STPG4: variants seen among roughly 807,000 people sequenced by gnomAD.
The protein encoded by STPG4 is protein STPG4.
Under a neutral mutation model 31.5 loss-of-function variants are expected in STPG4, and 41 were observed. The ratio of observed to expected loss-of-function variants is 1.30; its 90% CI spans 1.01 to 1.69. The LOEUF is 1.69. Among genes scored for constraint, STPG4 ranks in the 40% most tolerant of loss-of-function variants. The probability of loss-of-function intolerance (pLI) is 0.00; values close to 1 mark genes in which losing one functional copy is unlikely to be tolerated. For synonymous variants in STPG4, 141 were observed against 103.0 expected (o/e 1.37, Z -2.24); for missense variants, 375 against 293.4 (o/e 1.28, Z -2.03).
chr2:47,139,134 A>T (rs2103792049), intron 3 of STPG4, among the ~76,000 whole-genome samples: 1 of 152,308 alleles, frequency 6.6e-6, no homozygotes, highest in East Asian at 1.9e-4. Context: ...TGTTGAGTTC[A>T]ACTATGTACT....
intron 3 of STPG4, among the ~76,000 whole-genome samples, chr2:47,143,164 G>A (rs530869448): frequency 6.6e-6 from 1 of 152,226 alleles, no homozygotes; most frequent in South Asian, 2.1e-4. Context: ...TATGTCATTT[G>A]TATGGGTGTA....
chr2:47,115,366 C>G (rs758102973), intron 5 of STPG4, among the ~76,000 whole-genome samples: 5 of 152,094 alleles, frequency 3.3e-5, no homozygotes, highest in Non-Finnish European at 5.9e-5. Flanking sequence ...CTTTCTGGAT[C>G]TGCTCCTTTG....
intron 5 of STPG4, among the ~76,000 whole-genome samples, chr2:47,124,524 A>T (rs1374080977): frequency 1.3e-5 from 2 of 152,126 alleles, no homozygotes; most frequent in African/African-American, 4.8e-5. Flanking sequence ...GAACATGCAA[A>T]GTTTGCCTTT....
intron 5 of STPG4, among the ~76,000 whole-genome samples, chr2:47,093,087 G>C (rs750325015): frequency 6.6e-6 from 1 of 152,150 alleles, no homozygotes; most frequent in Non-Finnish European, 1.5e-5. Flanking sequence ...CACCGCACCC[G>C]GCCCTTCCAC....
intron 5 of STPG4, among the ~76,000 whole-genome samples, chr2:47,095,337 C>T (rs185385808): frequency 2.6e-4 from 39 of 152,222 alleles, no homozygotes; most frequent in African/African-American, 9.4e-4. Context: ...GAGACATGCT[C>T]ACAGGGAAAA....
intron 5 of STPG4, among the ~76,000 whole-genome samples, chr2:47,124,116 G>C (rs1246734512): frequency 1.3e-5 from 2 of 151,978 alleles, no homozygotes; most frequent in East Asian, 3.9e-4. Context: ...CTGAGTAGCT[G>C]GGATTACAGG....
intron 5 of STPG4, among the ~76,000 whole-genome samples, chr2:47,100,231 A>G (rs1336685950): frequency 6.6e-6 from 1 of 151,960 alleles, no homozygotes; most frequent in Non-Finnish European, 1.5e-5. Context: ...CTTTATGTCT[A>G]GCTCAGGGAT....
At position 47,089,099 on chromosome 2, in the gene STPG4, C is replaced by T. The variant is rs1444115154; in HGVS notation, c.624+1171G>A. Among the ~76,000 whole-genome samples, 3 of 152,236 alleles carry T rather than the reference C, an allele frequency of 2.0e-5. No homozygotes were observed. The East Asian group carries it at 5.8e-4, about 29-fold the overall frequency. On this transcript the variant is annotated intron_variant, in intron 6 of 6. Transcript: ENST00000445927. ...AGACTCCACCAATCAGTGCTCCAGT[C>T]ACCACGCCCGTATGGTGAATGCTTA...
intron 5 of STPG4, among the ~76,000 whole-genome samples, chr2:47,112,734 C>G (rs962721101): frequency 6.6e-6 from 1 of 152,144 alleles, no homozygotes; most frequent in African/African-American, 2.4e-5. Flanking sequence ...TCAAATGACA[C>G]TACCACCTTA....
chr2:47,106,364 G>A (rs1343290151), intron 5 of STPG4, among the ~76,000 whole-genome samples: 6 of 151,826 alleles, frequency 4.0e-5, no homozygotes, highest in Admixed American at 1.3e-4. Flanking sequence ...GCTCAAGTCC[G>A]TCAGCGCAGA....
At chr2:47,108,239 G>C (rs1043473738) in intron 5 of STPG4, 1 of 151,358 alleles carries the variant, frequency 6.6e-6, no homozygotes, top group Admixed American at 6.6e-5. Context: ...CCAGATAAGA[G>C]AAAAAAAGCA....
At chr2:47,139,878 C>G (rs1025224343) in intron 3 of STPG4, among the ~76,000 whole-genome samples, 1 of 152,118 alleles carries the variant, frequency 6.6e-6, no homozygotes, top group African/African-American at 2.4e-5. Flanking sequence ...TGGGTTCAAG[C>G]AATTCTCCTG....
intron 3 of STPG4, among the ~76,000 whole-genome samples, chr2:47,150,043 T>G (rs1433512769): frequency 6.6e-6 from 1 of 152,260 alleles, no homozygotes; most frequent in African/African-American, 2.4e-5. Flanking sequence ...ATTAGCAATG[T>G]GCCTTTGGAC....
chr2:47,116,534 C>A (rs942902118), intron 5 of STPG4, among the ~76,000 whole-genome samples: 1 of 152,122 alleles, frequency 6.6e-6, no homozygotes, highest in African/African-American at 2.4e-5. Flanking sequence ...TGTCTTAAGG[C>A]TACTGTCTAA....
chr2:47,094,772 T>A (rs1206673938), intron 5 of STPG4, among the ~76,000 whole-genome samples: 1 of 152,224 alleles, frequency 6.6e-6, no homozygotes, highest in Non-Finnish European at 1.5e-5. Context: ...TTCATCTTGC[T>A]GCAAAAGACT....
intron 1 of STPG4, 114 bp from the exon 2 acceptor site, chr2:47,153,130 C>G (rs1686969581): frequency 3.2e-6 from 2 of 624,210 alleles, no homozygotes. Context: ...ACTGATATGT[C>G]TTCATTAAAA....
intron 3 of STPG4, among the ~76,000 whole-genome samples, chr2:47,136,439 C>A (rs537506478): frequency 2.0e-5 from 3 of 152,162 alleles, no homozygotes; most frequent in African/African-American, 7.2e-5. Context: ...TGAGCCACCA[C>A]GCCCAGCCAA....
intron 5 of STPG4, among the ~76,000 whole-genome samples, chr2:47,099,989 G>A (rs868394492): frequency 1.2e-4 from 18 of 152,258 alleles, no homozygotes; most frequent in South Asian, 2.1e-4. Context: ...CTCGGGACCT[G>A]CAGCCCACCA....
intron 5 of STPG4, among the ~76,000 whole-genome samples, chr2:47,127,252 C>CCTTTTTTTTTT (rs1686383131): frequency 1.7e-5 from 1 of 57,456 alleles, no homozygotes; most frequent in African/African-American, 1.0e-4. Flanking sequence ...CAAGCTAATT[C>CCTTTTTTTTTT]TTTTTTTTTT....
Sources: gnomAD v4.1 joint callset for allele counts (sites outside exome capture counted in the v4.1 genomes callset) on GRCh38, gnomAD v4.1.1 for gene constraint, MANE v1.5 for transcripts, NCBI Gene and HGNC (gene_info 2026-07-23, HGNC 2026-07-21) for gene names.